Variants in WDR88 observed in about 807,000 individuals in gnomAD.
WDR88 encodes the protein WD repeat domain 88.
Under a neutral mutation model 46.8 loss-of-function variants are expected in WDR88, and 40 were observed. The observed-to-expected ratio is 0.86, with a 90% confidence interval of 0.66 to 1.11. The LOEUF is 1.11. WDR88 is among the 50% of genes most tolerant of loss of function. The pLI is 0.00. For synonymous variants in WDR88, 235 were observed against 240.7 expected (o/e 0.98, Z 0.22); for missense variants, 562 against 602.4 (o/e 0.93, Z 0.70).
At chr19:33,153,827 T>A (rs1973683170) in intron 6 of WDR88, among the ~76,000 whole-genome samples, 1 of 152,172 alleles carries the variant, frequency 6.6e-6, no homozygotes, top group Non-Finnish European at 1.5e-5. Flanking sequence ...TCATTCATAT[T>A]GTTTTTCTCC....
chr19:33,169,292 A>T (rs1221077798), intron 9 of WDR88, among the ~76,000 whole-genome samples: 1 of 152,250 alleles, frequency 6.6e-6, no homozygotes, highest in Non-Finnish European at 1.5e-5. Flanking sequence ...CTGTCAAGAA[A>T]GCAAAAAGAC....
At chr19:33,147,487 C>T (rs1398077608) in intron 3 of WDR88, among the ~76,000 whole-genome samples, 158 bp from the exon 4 acceptor site, 1 of 152,124 alleles carries the variant, frequency 6.6e-6, no homozygotes, top group Non-Finnish European at 1.5e-5. Flanking sequence ...CCTGTAATCT[C>T]AGCTACTCAG....
At chr19:33,139,787 G>A (rs17833533) in intron 2 of WDR88, among the ~76,000 whole-genome samples, 18,145 of 152,132 alleles carry the variant, frequency 0.12, 1,241 homozygotes, top group South Asian at 0.2. Flanking sequence ...GCTCTTTTGT[G>A]AAATGGAAAT....
At chr19:33,166,866 C>T (rs1317485471) in intron 9 of WDR88, among the ~76,000 whole-genome samples, 1 of 152,074 alleles carries the variant, frequency 6.6e-6, no homozygotes, top group African/African-American at 2.4e-5. Flanking sequence ...CAGTGAGCCA[C>T]AATCATGCCA....
In WDR88 at chr19:33,170,035, G is replaced by A. The variant is rs1043109309; in HGVS notation, c.1150-2313G>A. ...TGGGATTACAGGCATGCACCACCAC[G>A]CCTGGCTAATTTTGTATTTTTAGTA... is the stretch of plus-strand genomic sequence containing the variant. On this transcript the variant is annotated intron_variant, in intron 9 of 10. Transcript: ENST00000355868. Among the ~76,000 whole-genome samples, 3 of 149,056 alleles carry A rather than the reference G, an allele frequency of 2.0e-5. No homozygotes were observed. In the East Asian group the frequency reaches 6.1e-4, roughly 30 times the overall value.
intron 9 of WDR88, among the ~76,000 whole-genome samples, chr19:33,170,324 G>A (rs1220480904): frequency 6.6e-6 from 1 of 151,982 alleles, no homozygotes; most frequent in African/African-American, 2.4e-5. Context: ...ATTACAAGGT[G>A]CCCGCGATCA....
chr19:33,175,165 G>A (rs1341682644), intron 10 of WDR88, among the ~76,000 whole-genome samples: 3 of 152,158 alleles, frequency 2.0e-5, no homozygotes, highest in African/African-American at 7.2e-5. Flanking sequence ...AACCTGGGAG[G>A]CGGAGGTTGC....
chr19:33,160,528 G>A, intron 8 of WDR88, 32 bp downstream of exon 8: 1 of 1,611,272 alleles, frequency 6.2e-7, no homozygotes, highest in Non-Finnish European at 8.5e-7. Flanking sequence ...TTGAGGATCT[G>A]AACTTCCCTC....
chr19:33,175,345 T>G (rs781579737), intron 10 of WDR88, 51 bp from the exon 11 acceptor site: 2 of 1,575,956 alleles, frequency 1.3e-6, no homozygotes, highest in South Asian at 1.1e-5. Context: ...CATGCCTGGA[T>G]CACCTCTGAC....
chr19:33,147,157 A>G (rs1450377220), intron 3 of WDR88, among the ~76,000 whole-genome samples: 1 of 151,784 alleles, frequency 6.6e-6, no homozygotes, highest in African/African-American at 2.4e-5. Context: ...GGATCACTTG[A>G]GCCCAGAAGC....
rs374675977 is a variant in WDR88 at position 33,164,707 on chromosome 19, G to A, written c.1149+442G>A. Among the ~76,000 whole-genome samples the A allele has an allele frequency of 2.0e-4, 31 of 152,124 alleles. No homozygotes were observed. The East Asian group carries it at 4.4e-3, about 22-fold the overall frequency. Reference sequence around the variant, plus strand: ...CAGCTGTCCTGCAGGTGTGAACCCCGGAGAAGTGGGGACCTACTCCGCCCT... The same window carrying A: ...CAGCTGTCCTGCAGGTGTGAACCCCAGAGAAGTGGGGACCTACTCCGCCCT... On this transcript the variant is annotated intron_variant, in intron 9 of 10. Coordinates refer to ENST00000355868, the MANE Select transcript of WDR88 (RefSeq NM_173479.4).
intron 8 of WDR88, 106 bp downstream of exon 8, chr19:33,160,602 ATGC>A: frequency 7.5e-6 from 9 of 1,194,172 alleles, no homozygotes; most frequent in Non-Finnish European, 9.9e-6. Flanking sequence ...ACAGGCCTTG[ATGC>A]CTCTGTGGGC....
chr19:33,133,194 A>T (rs200979310), intron 1 of WDR88, among the ~76,000 whole-genome samples: 4 of 49,494 alleles, frequency 8.1e-5, no homozygotes, highest in South Asian at 6.0e-4. Context: ...TAAATAAATA[A>T]ATATAGAGAG....
chr19:33,164,084 C>A, intron 8 of WDR88, 113 bp from the exon 9 acceptor site: 1 of 923,428 alleles, frequency 1.1e-6, no homozygotes, highest in Non-Finnish European at 1.7e-6. Context: ...ACCCTCCCGA[C>A]TCGGCTTCCC....
chr19:33,133,055 G>A (rs1356390056), intron 1 of WDR88, among the ~76,000 whole-genome samples: 1 of 151,860 alleles, frequency 6.6e-6, no homozygotes, highest in Non-Finnish European at 1.5e-5. Flanking sequence ...CACTTGAAAG[G>A]CTGAGGCAAG....
chr19:33,144,949 C>G lies in WDR88; in HGVS notation c.476+17C>G, dbSNP rs781716768. Reference sequence around the variant, plus strand: ...CAGCAGCAGGTGACCTTTCCCTCGTCTTACACTGGGAAGAGGGAGGGTGAG... The same window carrying G: ...CAGCAGCAGGTGACCTTTCCCTCGTGTTACACTGGGAAGAGGGAGGGTGAG... On this transcript the variant is annotated intron_variant, in intron 3 of 10. Transcript: ENST00000355868. The G allele has an allele frequency of 3.7e-6, 6 of 1,608,052 alleles. No individual in the cohort carries two copies. Among genetic ancestry groups the G allele is most frequent in the Non-Finnish European group, 5.1e-6 (6 of 1,176,446 alleles).
At chr19:33,138,346 C>G (rs1331343105) in intron 2 of WDR88, among the ~76,000 whole-genome samples, 2 of 149,888 alleles carry the variant, frequency 1.3e-5, no homozygotes, top group Non-Finnish European at 3.0e-5. Flanking sequence ...GCCACAGCGA[C>G]TGGCCCTTTT....
intron 2 of WDR88, chr19:33,142,737 G>C (rs1227652707): frequency 6.6e-6 from 1 of 151,460 alleles, no homozygotes; most frequent in Non-Finnish European, 1.5e-5. Context: ...GCCGGGCGTA[G>C]TGGCTCACAC....
At chr19:33,148,637 G>A (rs574143038) in intron 4 of WDR88, 135 bp from the exon 5 acceptor site, 35 of 1,057,648 alleles carry the variant, frequency 3.3e-5, no homozygotes, top group East Asian at 4.8e-5. Flanking sequence ...TGGAGATCTT[G>A]CATGTTTCCC....
Sources: allele counts gnomAD v4.1 joint callset (sites outside exome capture counted in the v4.1 genomes callset), GRCh38; gene constraint gnomAD v4.1.1; transcripts MANE v1.5; gene names NCBI Gene and HGNC (gene_info 2026-07-23, HGNC 2026-07-21).